GALNT13: variants seen among roughly 807,000 people sequenced by gnomAD.
GALNT13 encodes polypeptide N-acetylgalactosaminyltransferase 13, also known as UDP-GalNAc:polypeptide N-acetylgalactosaminyltransferase 13.
GALNT13 carries 28 observed loss-of-function variants against 64.2 expected under a neutral mutation model. That is an observed-to-expected ratio of 0.44 (90% CI 0.32 to 0.60). The LOEUF (loss-of-function observed/expected upper bound fraction) is 0.60, where lower values mean the gene tolerates loss of function less well. Ranked by LOEUF, GALNT13 falls within the 20% of genes least tolerant of loss-of-function variation. GALNT13 has a pLI of 0.05. For missense variants in GALNT13, 577 were observed against 669.8 expected (o/e 0.86, Z 1.53); for synonymous variants, 214 against 224.6 (o/e 0.95, Z 0.42).
chr2:154,051,472 A>G (rs1440742189), intron 3 of GALNT13, among the ~76,000 whole-genome samples: 5 of 151,000 alleles, frequency 3.3e-5, no homozygotes, highest in East Asian at 2.0e-4. Flanking sequence ...TTGTATTTTT[A>G]GTAGAGACGG....
intron 9 of GALNT13, among the ~76,000 whole-genome samples, chr2:154,351,682 CAAAAAAAAAAAAAAAAAAAAAAA>C (rs567606376): frequency 4.5e-5 from 2 of 44,668 alleles, no homozygotes; most frequent in Non-Finnish European, 7.5e-5. Context: ...GACTCCGTCT[CAAAAAAAAAAAAAAAAAAAAAAA>C]AAAAAAAAAA....
At chr2:153,485,551 ATTTT>A in the GALNT13 span, among the ~76,000 whole-genome samples, 5 of 152,176 alleles carry the variant, frequency 3.3e-5, no homozygotes, top group Non-Finnish European at 7.4e-5. Flanking sequence ...TGCTGACACA[ATTTT>A]TGAATTCAGA....
intron 3 of GALNT13, among the ~76,000 whole-genome samples, chr2:153,991,835 A>G (rs1414492212): frequency 6.6e-6 from 1 of 152,160 alleles, no homozygotes; most frequent in Non-Finnish European, 1.5e-5. Flanking sequence ...AAATAATATT[A>G]TCAGTGTTAC....
At chr2:154,122,092 A>G (rs1681980313) in intron 3 of GALNT13, among the ~76,000 whole-genome samples, 2 of 152,086 alleles carry the variant, frequency 1.3e-5, no homozygotes, top group African/African-American at 4.8e-5. Flanking sequence ...TTTATGCATT[A>G]GTTAATAAGT....
At chr2:153,916,665 A>G (rs191292204) in intron 2 of GALNT13, among the ~76,000 whole-genome samples, 6 of 152,340 alleles carry the variant, frequency 3.9e-5, no homozygotes, top group African/African-American at 7.2e-5. Context: ...TAATATATTC[A>G]AAGGGTTCAT....
At chr2:153,414,978 C>G in the GALNT13 span, among the ~76,000 whole-genome samples, 6 of 151,842 alleles carry the variant, frequency 4.0e-5, no homozygotes, top group East Asian at 1.2e-3. Context: ...ACATCATCTA[C>G]TATAATTGCT....
At chr2:153,559,949 A>G in the GALNT13 span, among the ~76,000 whole-genome samples, 1 of 152,064 alleles carries the variant, frequency 6.6e-6, no homozygotes, top group Non-Finnish European at 1.5e-5. Context: ...TTTTAAAAAT[A>G]TTATTTCTTA....
Position 154,153,927 on chromosome 2 carries a change from C to T in GALNT13, c.311+13422C>T, listed in dbSNP as rs536977112. Among the ~76,000 whole-genome samples, 10 of 152,320 alleles carry T rather than the reference C, an allele frequency of 6.6e-5. No homozygotes were observed. In the South Asian group the frequency reaches 8.3e-4, roughly 13 times the overall value. On this transcript the variant is annotated intron_variant, in intron 4 of 12. Transcript: ENST00000392825. Reference sequence around the variant, plus strand: ...GCCCTGCTTCGGCTCACGCAGGATGCGCTGCACCCACTGTCCTGCGTCCAT... The same window carrying T: ...GCCCTGCTTCGGCTCACGCAGGATGTGCTGCACCCACTGTCCTGCGTCCAT...
chr2:153,433,733 C>T, the GALNT13 span, among the ~76,000 whole-genome samples: 2 of 151,990 alleles, frequency 1.3e-5, no homozygotes, highest in Non-Finnish European at 2.9e-5. Context: ...ACTTTTTACC[C>T]TCAAAAGAGA....
intron 3 of GALNT13, among the ~76,000 whole-genome samples, chr2:153,999,613 A>C (rs1478940571): frequency 2.0e-5 from 3 of 151,986 alleles, no homozygotes; most frequent in Non-Finnish European, 4.4e-5. Context: ...TGTGATTTAT[A>C]AAGTTTATTT....
At chr2:153,377,609 A>T in the GALNT13 span, among the ~76,000 whole-genome samples, 2 of 152,264 alleles carry the variant, frequency 1.3e-5, no homozygotes, top group Non-Finnish European at 2.9e-5. Flanking sequence ...GATGTCTGCC[A>T]CTAGTGGAAG....
At chr2:153,830,852 T>C in the GALNT13 span, among the ~76,000 whole-genome samples, 1 of 152,176 alleles carries the variant, frequency 6.6e-6, no homozygotes, top group Non-Finnish European at 1.5e-5. Context: ...TTGCTCTTTA[T>C]ATGTGTTTAC....
chr2:153,754,193 C>T, the GALNT13 span, among the ~76,000 whole-genome samples: 2 of 152,164 alleles, frequency 1.3e-5, no homozygotes, highest in Non-Finnish European at 2.9e-5. Flanking sequence ...GGTGTCTACC[C>T]ACTTGTGGCC....
intron 3 of GALNT13, among the ~76,000 whole-genome samples, chr2:154,114,756 C>T (rs1287170520): frequency 6.6e-6 from 1 of 152,168 alleles, no homozygotes; most frequent in Non-Finnish European, 1.5e-5. Context: ...AGGAGGAATG[C>T]AATAGGCTTC....
At chr2:153,447,941 A>T in the GALNT13 span, among the ~76,000 whole-genome samples, 16 of 152,264 alleles carry the variant, frequency 1.1e-4, no homozygotes, top group African/African-American at 3.8e-4. Flanking sequence ...TGTATTTCTC[A>T]TATGGATTGA....
At chr2:154,216,417 A>G (rs1242307200) in intron 4 of GALNT13, among the ~76,000 whole-genome samples, 7 of 152,158 alleles carry the variant, frequency 4.6e-5, no homozygotes, top group Non-Finnish European at 7.4e-5. Flanking sequence ...ATTTAACAAA[A>G]TTTAAGACGT....
At chr2:154,277,199 G>A (rs895933480) in intron 8 of GALNT13, among the ~76,000 whole-genome samples, 1 of 152,064 alleles carries the variant, frequency 6.6e-6, no homozygotes, top group Non-Finnish European at 1.5e-5. Context: ...GATTAATAAA[G>A]TATTTATTAA....
the GALNT13 span, among the ~76,000 whole-genome samples, chr2:153,383,205 A>G: frequency 1.5e-4 from 23 of 152,228 alleles, no homozygotes; most frequent in East Asian, 4.5e-3. Flanking sequence ...TGGGGGAAAA[A>G]TACAGCACAT....
intron 9 of GALNT13, among the ~76,000 whole-genome samples, chr2:154,350,072 G>GT (rs2105251590): frequency 6.6e-6 from 1 of 152,300 alleles, no homozygotes; most frequent in Non-Finnish European, 1.5e-5. Flanking sequence ...AAAATAGAAC[G>GT]TTAGTTCAGA....
Sources: allele counts gnomAD v4.1 joint callset (sites outside exome capture counted in the v4.1 genomes callset), GRCh38; gene constraint gnomAD v4.1.1; transcripts MANE v1.5; gene names NCBI Gene and HGNC (gene_info 2026-07-23, HGNC 2026-07-21).